USP15: variants seen among roughly 807,000 people sequenced by gnomAD.
USP15 encodes the protein ubiquitin carboxyl-terminal hydrolase 15.
Under a neutral mutation model 127.1 loss-of-function variants are expected in USP15, and 18 were observed. The observed-to-expected ratio is 0.14, with a 90% CI of 0.10 to 0.21. The LOEUF (loss-of-function observed/expected upper bound fraction) is 0.21. USP15 is among the 10% of genes least tolerant of loss of function. The pLI is 1.00. For synonymous variants in USP15, 364 were observed against 393.7 expected, an observed-to-expected ratio of 0.92 and a Z score of 0.89; for missense variants, 805 against 1,159.9, an observed-to-expected ratio of 0.69 and a Z score of 4.44.
At chr12:62,342,651 G>A (rs984376591) in intron 6 of USP15, among the ~76,000 whole-genome samples, 8 of 151,890 alleles carry the variant, frequency 5.3e-5, no homozygotes, top group African/African-American at 1.9e-4. Flanking sequence ...TCTAACAGTC[G>A]GGCCCCTCTT....
Position 62,302,859 on chromosome 12 carries a change from G to T in USP15, c.287G>T (p.Gly96Val). The T allele has an allele frequency of 6.2e-7, 1 of 1,613,046 alleles. No homozygotes were observed. The highest frequency in any genetic ancestry group is 1.3e-5 in the African/African-American group (1 of 74,978). ...GATTACATACTGTTGCCAACTGAAG[G>T]TTGGAATAAACTTGTCAGCTGGTAC... ...ELDYILLPTEGWNKLVSWYTL... is the reference protein window; with the variant it reads ...ELDYILLPTEVWNKLVSWYTL... The change falls in exon 3 of 22, where the codon GGT (glycine) becomes GTT (valine). Residue 96 changes from glycine (G) to valine (V), a missense_variant. Coordinates refer to ENST00000280377, the MANE Select transcript of USP15 (RefSeq NM_001252078.2).
At chr12:62,392,053 T>G (rs920365889) in intron 17 of USP15, among the ~76,000 whole-genome samples, 167 bp downstream of exon 17, 1 of 150,784 alleles carries the variant, frequency 6.6e-6, no homozygotes, top group Admixed American at 6.6e-5. Context: ...AAAAATACCT[T>G]TTTTTTTTAA....
intron 5 of USP15, among the ~76,000 whole-genome samples, chr12:62,324,458 C>G (rs931227879): frequency 6.6e-6 from 1 of 151,742 alleles, no homozygotes; most frequent in Non-Finnish European, 1.5e-5. Context: ...GTAACTGTTA[C>G]TCTTGTATAA....
intron 1 of USP15, among the ~76,000 whole-genome samples, chr12:62,281,400 G>GCT (rs369437090): frequency 1.6e-3 from 246 of 152,248 alleles, no homozygotes; most frequent in African/African-American, 5.7e-3. Flanking sequence ...GCAGTGGCAT[G>GCT]CTCTCAGCTC....
rs1483931175 is a variant in USP15, at chr12:62,408,496, C to A, written c.*4121C>A. 1.3e-5 allele frequency: 2 copies of A among 152,028 alleles called. No homozygotes were observed. The highest frequency in any genetic ancestry group is 2.9e-5 in the Non-Finnish European group (2 of 67,976). The allele number at this position is 152,028 out of a possible 1,614,324, so 9.4% of individuals were successfully genotyped here. ...TGAGAAGGAAAGGAAGAGCTCCTTT[C>A]TAGGGCCATAGAATAAGAGTAGAAG... On this transcript the variant is annotated 3_prime_UTR_variant, in exon 22 of 22. Transcript: ENST00000280377.
At chr12:62,282,488 G>A (rs1320780251) in intron 1 of USP15, among the ~76,000 whole-genome samples, 1 of 152,086 alleles carries the variant, frequency 6.6e-6, no homozygotes, top group African/African-American at 2.4e-5. Flanking sequence ...TACCCTTTTT[G>A]TAATAGTGTG....
At chr12:62,381,835 G>A (rs1302733595) in intron 9 of USP15, among the ~76,000 whole-genome samples, 172 bp downstream of exon 9, 4 of 151,954 alleles carry the variant, frequency 2.6e-5, no homozygotes, top group Non-Finnish European at 5.9e-5. Flanking sequence ...TTAGGTGGGA[G>A]GGATATGGAA....
In USP15 at chr12:62,391,258, A is replaced by G. The variant is rs749930060; in HGVS notation, c.2062A>G (p.Asn688Asp). ...GTCTGAAGATTCAGTTGGAGGAGAT[A>G]ATGATTCTGAAAATGGATTATGTAC... ...SQSEDSVGGD[N>D]DSENGLCTED... Residue 688 changes from asparagine to aspartate, a missense_variant, in exon 16 of 22, where the codon AAT becomes GAT. Coordinates refer to ENST00000280377, the MANE Select transcript of USP15 (RefSeq NM_001252078.2). The G allele has an allele frequency of 1.2e-6, 2 of 1,613,680 alleles. No individual in the cohort carries two copies. Among genetic ancestry groups the G allele is most frequent in the South Asian group, 1.1e-5 (1 of 91,042 alleles).
intron 6 of USP15, among the ~76,000 whole-genome samples, chr12:62,330,918 T>A (rs7970898): frequency 1.4e-5 from 2 of 146,932 alleles, no homozygotes. Flanking sequence ...AGAGTGAGAC[T>A]CTGTCTCCAA....
chr12:62,311,197 A>G (rs1422699294), intron 3 of USP15, among the ~76,000 whole-genome samples: 2 of 151,910 alleles, frequency 1.3e-5, no homozygotes, highest in Admixed American at 1.3e-4. Flanking sequence ...ATTTTAAAAT[A>G]ACATTTACAG....
At chr12:62,287,270 C>T (rs1002977922) in intron 1 of USP15, among the ~76,000 whole-genome samples, 6 of 152,090 alleles carry the variant, frequency 3.9e-5, no homozygotes, top group Admixed American at 2.0e-4. Flanking sequence ...CTCAGCATCA[C>T]GCAATATACC....
chr12:62,405,848 A>T lies in USP15; in HGVS notation c.*1473A>T, dbSNP rs1273959410. The stretch of plus-strand genomic sequence containing the variant: ...TGGTAAATTATTTATTTATGTTAGC[A>T]TTTAAAAGTTTAAAAAAAATGCATT... On this transcript the variant is annotated 3_prime_UTR_variant, in exon 22 of 22. Coordinates refer to ENST00000280377, the MANE Select transcript of USP15 (RefSeq NM_001252078.2). 1 of 152,536 alleles carries T rather than the reference A, an allele frequency of 6.6e-6. No individual in the cohort carries two copies. The highest frequency in any genetic ancestry group is 1.9e-4 in the East Asian group (1 of 5,198). The allele number at this position is 152,536 out of a possible 1,614,324, so 9.4% of individuals were successfully genotyped here.
At position 62,349,349 on chromosome 12, in the gene USP15, C is replaced by T. The variant is rs1482551877; in HGVS notation, c.770+42C>T. ...AAAAACTCTTTGTTTAATTGATCAC[C>T]CTATTATGGTTGCAAAAAATCTCTT... On this transcript the variant is annotated intron_variant, in intron 7 of 21. Transcript: ENST00000280377. The T allele has an allele frequency of 2.3e-6, 3 of 1,295,418 alleles. No homozygotes were observed. The Admixed American group carries it at 9.6e-5, about 42-fold the overall frequency. 80.2% of individuals were successfully genotyped at this position (1,295,418 alleles called of 1,614,324 possible).
At chr12:62,389,352 A>G (rs1013680246) in intron 11 of USP15, 79 bp from the exon 12 acceptor site, 10 of 1,184,406 alleles carry the variant, frequency 8.4e-6, no homozygotes, top group Non-Finnish European at 1.1e-5. Flanking sequence ...AATGTGAGAT[A>G]GCAACCATGA....
rs1445063221 is a variant in USP15, at chr12:62,260,420, G to T, written c.6G>T (p.Ala2=). 1.7e-5 allele frequency: 26 copies of T among 1,551,078 alleles called. No homozygotes were observed. The highest frequency in any genetic ancestry group is 2.3e-5 in the Non-Finnish European group (26 of 1,147,478). The change falls in exon 1 of 22, where the codon GCG becomes GCT. Residue 2 remains alanine (A), a synonymous_variant. Transcript: ENST00000280377. ...CCTACCGCTAGTGGAAGAAGATGGC[G>T]GAAGGCGGAGCGGCGGATCTGGACA... is the stretch of plus-strand genomic sequence containing the variant. The part of the protein sequence containing the change: M[A]EGGAADLDTQ...
chr12:62,297,568 G>A (rs932200545), intron 2 of USP15, among the ~76,000 whole-genome samples: 2 of 152,108 alleles, frequency 1.3e-5, no homozygotes, highest in African/African-American at 2.4e-5. Flanking sequence ...TGAAAAAAAA[G>A]GAAATCAACA....
intron 8 of USP15, among the ~76,000 whole-genome samples, chr12:62,368,872 A>G (rs1016410920): frequency 6.6e-6 from 1 of 152,138 alleles, no homozygotes; most frequent in African/African-American, 2.4e-5. Context: ...TATTTTGCCC[A>G]TTGGTTGATG....
intron 11 of USP15, among the ~76,000 whole-genome samples, chr12:62,388,589 C>T (rs756143526): frequency 6.6e-6 from 1 of 152,182 alleles, no homozygotes. Context: ...CTCTTCAGCA[C>T]ATGTGAACAG....
chr12:62,403,284 GACAGA>G (rs779418202), intron 21 of USP15, among the ~76,000 whole-genome samples: 16 of 152,042 alleles, frequency 1.1e-4, no homozygotes, highest in Non-Finnish European at 1.5e-4. Context: ...GTGGGCTGAG[GACAGA>G]ACATAGTATG....
Sources: allele counts gnomAD v4.1 joint callset (sites outside exome capture counted in the v4.1 genomes callset), GRCh38; gene constraint gnomAD v4.1.1; transcripts MANE v1.5; gene names NCBI Gene and HGNC (gene_info 2026-07-23, HGNC 2026-07-21).